FYB1: variants seen among roughly 807,000 people sequenced by gnomAD.
FYB1 encodes FYN-binding protein 1.
In FYB1, 41 loss-of-function variants were observed where a neutral mutation model predicts 94.1. The observed-to-expected ratio is 0.44, with a 90% CI of 0.34 to 0.57. The LOEUF (loss-of-function observed/expected upper bound fraction) is 0.57. Ranked by LOEUF, FYB1 falls within the 20% of genes least tolerant of loss-of-function variation. The pLI is 0.02. For missense variants in FYB1, 1,050 were observed against 976.8 expected (o/e 1.07, Z -1.00); for synonymous variants, 367 against 353.2 (o/e 1.04, Z -0.44).
intron 1 of FYB1, among the ~76,000 whole-genome samples, chr5:39,234,909 T>C (rs1401600676): frequency 1.3e-5 from 2 of 151,456 alleles, no homozygotes; most frequent in Admixed American, 6.6e-5. Context: ...GGGCAAGGGG[T>C]GGGATAGTAT....
At chr5:39,125,905 A>T in intron 12 of FYB1, 93 bp downstream of exon 12, 1 of 1,245,884 alleles carries the variant, frequency 8.0e-7, no homozygotes, top group Non-Finnish European at 1.1e-6. Flanking sequence ...AGTCTATCAG[A>T]ATTTGGTTAT....
Position 39,250,096 on chromosome 5 carries a change from C to T in FYB1, c.-28+24307G>A, listed in dbSNP as rs116544178. Reference sequence around the variant, plus strand: ...TAAGACATGCCTGCTTCCCCTTTTACCATGATTGTAAATTTCCTGAGGCCT... The same window carrying T: ...TAAGACATGCCTGCTTCCCCTTTTATCATGATTGTAAATTTCCTGAGGCCT... On this transcript the variant is annotated intron_variant, in intron 1 of 1. Coordinates refer to the FYB1 transcript ENST00000510188. Among the ~76,000 whole-genome samples, 1,344 of 152,274 alleles carry T rather than the reference C, an allele frequency of 8.8e-3. 8 individuals are homozygous for T. Among genetic ancestry groups the T allele is most frequent in the African/African-American group, 0.031 (1,268 of 41,548 alleles).
At chr5:39,162,297 T>G (rs1359290529) in intron 2 of FYB1, among the ~76,000 whole-genome samples, 1 of 152,178 alleles carries the variant, frequency 6.6e-6, no homozygotes, top group Non-Finnish European at 1.5e-5. Context: ...TTATAAAATT[T>G]TTCTTGTATG....
intron 2 of FYB1, among the ~76,000 whole-genome samples, chr5:39,171,338 A>G (rs1466931084): frequency 6.6e-6 from 1 of 152,090 alleles, no homozygotes; most frequent in Non-Finnish European, 1.5e-5. Context: ...TTCTTCTATT[A>G]TAGTATAGAA....
intron 16 of FYB1, among the ~76,000 whole-genome samples, chr5:39,112,832 TCTC>T (rs1739191545): frequency 6.6e-6 from 1 of 152,088 alleles, no homozygotes; most frequent in Non-Finnish European, 1.5e-5. Context: ...GGAACAGCCT[TCTC>T]CTGTGTTGAA....
At chr5:39,201,789 T>C (rs758827478) in intron 2 of FYB1, 37 bp downstream of exon 2, 8 of 1,555,226 alleles carry the variant, frequency 5.1e-6, no homozygotes, top group Admixed American at 3.7e-5. Flanking sequence ...TGCCTTGGAG[T>C]AAACCATACT....
At chr5:39,141,826 C>T (rs938254555) in intron 3 of FYB1, among the ~76,000 whole-genome samples, 3 of 151,178 alleles carry the variant, frequency 2.0e-5, no homozygotes, top group South Asian at 2.1e-4. Flanking sequence ...GAGCTAAGAT[C>T]GCACCACTGC....
intron 1 of FYB1, among the ~76,000 whole-genome samples, chr5:39,272,102 T>G (rs561974305): frequency 1.4e-3 from 213 of 152,306 alleles, no homozygotes; most frequent in Non-Finnish European, 2.5e-3. Flanking sequence ...TGGGATGTTT[T>G]AAGTCTCAGC....
intron 2 of FYB1, among the ~76,000 whole-genome samples, chr5:39,192,622 A>C (rs1263953188): frequency 1.3e-5 from 2 of 152,156 alleles, no homozygotes; most frequent in East Asian, 3.8e-4. Context: ...GCCCTAAGCT[A>C]TGCTATTTGG....
chr5:39,127,954 G>T (rs931468468), intron 10 of FYB1, 147 bp from the exon 11 acceptor site: 2 of 768,910 alleles, frequency 2.6e-6, no homozygotes, highest in Admixed American at 3.9e-5. Context: ...ACACTTTGTT[G>T]ATTATTTTAT....
At chr5:39,108,407 A>G in intron 17 of FYB1, 145 bp from the exon 18 acceptor site, 1 of 692,280 alleles carries the variant, frequency 1.4e-6, no homozygotes, top group Non-Finnish European at 2.2e-6. Flanking sequence ...GTAGAAATAA[A>G]TTTGATATTC....
intron 1 of FYB1, among the ~76,000 whole-genome samples, chr5:39,237,110 C>T (rs1393435540): frequency 6.6e-6 from 1 of 152,108 alleles, no homozygotes; most frequent in Non-Finnish European, 1.5e-5. Flanking sequence ...CAAATAATCT[C>T]TTTTCCTTGA....
chr5:39,203,170 A>G (rs758952327), intron 1 of FYB1, 183 bp from the exon 2 acceptor site: 3 of 597,646 alleles, frequency 5.0e-6, no homozygotes, highest in African/African-American at 1.9e-5. Flanking sequence ...TGAAAGAGGA[A>G]GGCTATGGTT....
At chr5:39,203,896 T>A (rs556619535) in intron 1 of FYB1, among the ~76,000 whole-genome samples, 1 of 152,326 alleles carries the variant, frequency 6.6e-6, no homozygotes. Context: ...CCATTTTACC[T>A]GGGAAAGTTA....
chr5:39,114,092 C>G (rs978165277), intron 16 of FYB1, among the ~76,000 whole-genome samples: 1 of 151,882 alleles, frequency 6.6e-6, no homozygotes, highest in Non-Finnish European at 1.5e-5. Context: ...TTGGGAAGAT[C>G]GAAAGCACCT....
chr5:39,126,338 ATT>A (rs76502274), intron 11 of FYB1, among the ~76,000 whole-genome samples: 1 of 151,336 alleles, frequency 6.6e-6, no homozygotes, highest in African/African-American at 2.4e-5. Context: ...GAACCTGATC[ATT>A]TTTTTTTCTA....
intron 2 of FYB1, among the ~76,000 whole-genome samples, chr5:39,199,925 G>C (rs927546066): frequency 6.6e-6 from 1 of 152,218 alleles, no homozygotes; most frequent in African/African-American, 2.4e-5. Flanking sequence ...TTAAAGTTAT[G>C]AATCAGATTG....
chr5:39,176,162 T>G (rs1326980775), intron 2 of FYB1, among the ~76,000 whole-genome samples: 2 of 132,988 alleles, frequency 1.5e-5, no homozygotes, highest in African/African-American at 6.0e-5. Context: ...TTTTTTTTTT[T>G]TTTTTAAAGA....
chr5:39,189,237 T>TC (rs913929985), intron 2 of FYB1, among the ~76,000 whole-genome samples: 2 of 144,886 alleles, frequency 1.4e-5, no homozygotes, highest in African/African-American at 5.5e-5. Context: ...TGGAATTCCT[T>TC]TTTTTTTTTT....
Sources: allele counts gnomAD v4.1 joint callset (sites outside exome capture counted in the v4.1 genomes callset), GRCh38; gene constraint gnomAD v4.1.1; transcripts MANE v1.5; gene names NCBI Gene and HGNC (gene_info 2026-07-23, HGNC 2026-07-21).